CNOT4: variants seen among roughly 807,000 people sequenced by gnomAD.
The protein encoded by CNOT4 is CCR4-associated factor 4.
A neutral mutation model predicts 73.8 loss-of-function variants in CNOT4; 8 were observed. That is an observed-to-expected ratio of 0.11 (90% CI 0.06 to 0.20). The LOEUF is 0.20. Ranked by LOEUF, CNOT4 falls within the 10% of genes least tolerant of loss-of-function variation. The pLI, the probability that CNOT4 is intolerant of heterozygous loss-of-function variation, is 1.00. For synonymous variants in CNOT4, 293 were observed against 321.1 expected, an observed-to-expected ratio of 0.91 and a Z score of 0.94; for missense variants, 564 against 883.4, an observed-to-expected ratio of 0.64 and a Z score of 4.58.
At chr7:135,367,594 ACC>A (rs1294632795) in intron 10 of CNOT4, among the ~76,000 whole-genome samples, 50 of 152,302 alleles carry the variant, frequency 3.3e-4, no homozygotes, top group Non-Finnish European at 5.3e-4. Flanking sequence ...GGTGGTCAAT[ACC>A]GAACGGATAG....
chr7:135,382,979 G>A lies in CNOT4; in HGVS notation c.1627+10939C>T, dbSNP rs1795931559. ...TTTTTTCCTAGAGGTCACCTCCTAA[G>A]TATACAAAATATAAGAAACAAGGGT... On this transcript the variant is annotated intron_variant, in intron 10 of 11. Coordinates refer to ENST00000541284, the MANE Select transcript of CNOT4 (RefSeq NM_001190850.2). Among the ~76,000 whole-genome samples, 3 of 152,158 alleles carry A rather than the reference G, an allele frequency of 2.0e-5. No homozygotes were observed. In the South Asian group the frequency reaches 6.2e-4, roughly 32 times the overall value.
intron 1 of CNOT4, among the ~76,000 whole-genome samples, chr7:135,505,861 T>C (rs187081420): frequency 1.4e-4 from 22 of 152,268 alleles, no homozygotes; most frequent in African/African-American, 4.8e-4. Flanking sequence ...GATTCTATTA[T>C]AGTAGAAAAA....
chr7:135,382,741 C>A (rs1585560353), intron 10 of CNOT4, among the ~76,000 whole-genome samples: 1 of 152,182 alleles, frequency 6.6e-6, no homozygotes, highest in African/African-American at 2.4e-5. Flanking sequence ...ATTTACATAG[C>A]ACTTACATTG....
In CNOT4 at chr7:135,376,027, A is replaced by G. The variant is rs150140080; in HGVS notation, c.1628-11961T>C. Among the ~76,000 whole-genome samples the G allele has an allele frequency of 3.2e-3, 463 of 145,650 alleles. 3 individuals are homozygous for G. Among genetic ancestry groups the G allele is most frequent in the African/African-American group, 0.011 (423 of 40,222 alleles). ...AGCTGAGGTTTCCCAAGTTCAGAGGAAAAAAAAAAAAGAAAGAAGAAAAAT... is the reference window on the plus strand; with the variant it reads ...AGCTGAGGTTTCCCAAGTTCAGAGGGAAAAAAAAAAAGAAAGAAGAAAAAT... On this transcript the variant is annotated intron_variant, in intron 10 of 11. Transcript: ENST00000541284.
intron 1 of CNOT4, among the ~76,000 whole-genome samples, chr7:135,505,248 T>C (rs975106601): frequency 1.9e-4 from 29 of 151,982 alleles, no homozygotes; most frequent in African/African-American, 6.8e-4. Context: ...TAAACAGAGT[T>C]TAATAATAAA....
chr7:135,373,061 A>T (rs185010486), intron 10 of CNOT4, among the ~76,000 whole-genome samples: 34 of 152,314 alleles, frequency 2.2e-4, no homozygotes, highest in African/African-American at 7.9e-4. Flanking sequence ...CACAGGGAGA[A>T]TCTGATGGGA....
chr7:135,487,437 C>T lies in CNOT4; in HGVS notation c.-93+22452G>A, dbSNP rs765693433. On this transcript the variant is annotated intron_variant, in intron 1 of 11. Coordinates refer to ENST00000541284, the MANE Select transcript of CNOT4 (RefSeq NM_001190850.2). ...AAATTTTTTGTAGAGATGCAGTATC[C>T]GTATGTTTCCCAGGCTTGTCTGGAA... Among the ~76,000 whole-genome samples the T allele has an allele frequency of 2.8e-4, 42 of 151,700 alleles. 1 individual carries two copies. Among genetic ancestry groups the T allele is most frequent in the South Asian group, 2.1e-4 (1 of 4,806 alleles).
Position 135,458,477 on chromosome 7 carries a change from ACTCT to A in CNOT4, c.-92-20058_-92-20055del, listed in dbSNP as rs151227940. On this transcript the variant is annotated intron_variant, in intron 1 of 11. Coordinates refer to ENST00000541284, the MANE Select transcript of CNOT4 (RefSeq NM_001190850.2). ...ACAATAAAGTTTGCCACAGCCATTG[ACTCT>A]CTCTTTCACGAAAGATTTCTCTGTA... Among the ~76,000 whole-genome samples, 1,208 of 151,930 alleles carry A rather than the reference ACTCT, an allele frequency of 8.0e-3. 15 individuals carry two copies. Among genetic ancestry groups the A allele is most frequent in the African/African-American group, 0.028 (1,147 of 41,444 alleles).
chr7:135,422,911 C>A (rs1563040684), intron 2 of CNOT4, among the ~76,000 whole-genome samples: 2 of 152,030 alleles, frequency 1.3e-5, no homozygotes, highest in Non-Finnish European at 2.9e-5. Context: ...CATTTTCATT[C>A]CTACTACTAA....
intron 10 of CNOT4, among the ~76,000 whole-genome samples, chr7:135,375,919 C>T (rs758609164): frequency 4.0e-5 from 6 of 150,716 alleles, no homozygotes; most frequent in South Asian, 2.1e-4. Context: ...TGCGAGACTC[C>T]GTCTCAAAAA....
At chr7:135,467,228 ACT>A (rs2129486570) in intron 1 of CNOT4, among the ~76,000 whole-genome samples, 1 of 152,222 alleles carries the variant, frequency 6.6e-6, no homozygotes, top group East Asian at 1.9e-4. Flanking sequence ...TTTACTAAGC[ACT>A]CTGTCACCTT....
At chr7:135,423,999 T>A (rs1192764389) in intron 2 of CNOT4, among the ~76,000 whole-genome samples, 1 of 151,300 alleles carries the variant, frequency 6.6e-6, no homozygotes, top group Non-Finnish European at 1.5e-5. Context: ...AAACTCAGCA[T>A]TTCTGTGTTT....
intron 1 of CNOT4, among the ~76,000 whole-genome samples, chr7:135,453,826 T>TAATATATATATATA (rs1800335679): frequency 1.1e-5 from 1 of 89,902 alleles, no homozygotes; most frequent in Non-Finnish European, 2.3e-5. Flanking sequence ...TATATATATT[T>TAATATATATATATA]TATATATATA....
At chr7:135,451,710 T>C (rs1460447849) in intron 1 of CNOT4, among the ~76,000 whole-genome samples, 1 of 151,940 alleles carries the variant, frequency 6.6e-6, no homozygotes, top group Non-Finnish European at 1.5e-5. Context: ...TTTAGGAAAA[T>C]AAAGAAGGGA....
intron 6 of CNOT4, among the ~76,000 whole-genome samples, chr7:135,413,204 T>A (rs1344958720): frequency 6.6e-6 from 1 of 151,960 alleles, no homozygotes; most frequent in Non-Finnish European, 1.5e-5. Context: ...CCTTCGTGGA[T>A]CTGTATTAGC....
chr7:135,397,815 A>G (rs1177878696), intron 8 of CNOT4, among the ~76,000 whole-genome samples: 1 of 152,150 alleles, frequency 6.6e-6, no homozygotes, highest in Non-Finnish European at 1.5e-5. Context: ...TAAAGTAGAG[A>G]GCAAGGGGCA....
chr7:135,440,850 C>A (rs1470960356), intron 1 of CNOT4, among the ~76,000 whole-genome samples: 2 of 150,090 alleles, frequency 1.3e-5, no homozygotes, highest in Non-Finnish European at 1.5e-5. Flanking sequence ...ACCCAGGAGG[C>A]GGAGGTGGCA....
At chr7:135,420,212 C>A (rs577650289) in intron 3 of CNOT4, among the ~76,000 whole-genome samples, 1 of 152,174 alleles carries the variant, frequency 6.6e-6, no homozygotes, top group African/African-American at 2.4e-5. Flanking sequence ...ACAGGTACAT[C>A]CATATCCAAG....
At chr7:135,488,772 T>C (rs1431072854) in intron 1 of CNOT4, among the ~76,000 whole-genome samples, 1 of 152,178 alleles carries the variant, frequency 6.6e-6, no homozygotes, top group Non-Finnish European at 1.5e-5. Context: ...TCATTATTAA[T>C]AGTCCTAATA....
Sources: gnomAD v4.1 joint callset for allele counts (sites outside exome capture counted in the v4.1 genomes callset) on GRCh38, gnomAD v4.1.1 for gene constraint, MANE v1.5 for transcripts, NCBI Gene and HGNC (gene_info 2026-07-23, HGNC 2026-07-21) for gene names.